CACNA1C: variants seen among roughly 807,000 people sequenced by gnomAD.
The protein encoded by CACNA1C is voltage-dependent L-type calcium channel subunit alpha-1C.
In CACNA1C, 30 loss-of-function variants were observed where a neutral mutation model predicts 229.0. The observed-to-expected ratio is 0.13, with a 90% CI of 0.10 to 0.18. CACNA1C has a LOEUF of 0.18. CACNA1C is among the 10% of genes least tolerant of loss of function. The probability of loss-of-function intolerance (pLI) is 1.00; values close to 1 mark genes in which losing one functional copy is unlikely to be tolerated. For synonymous variants in CACNA1C, 1,114 were observed against 1,132.5 expected, an observed-to-expected ratio of 0.98 and a Z score of 0.33; for missense variants, 1,658 against 2,845.0, an observed-to-expected ratio of 0.58 and a Z score of 9.49.
rs183192651 is a variant in CACNA1C, at chr12:2,664,909, C to T, written c.4317C>T (p.Asn1439=). 137 of 1,613,922 alleles carry T rather than the reference C, an allele frequency of 8.5e-5. No individual in the cohort carries two copies. In the African/African-American group the frequency reaches 1.7e-3, roughly 20 times the overall value. Residue 1439 remains asparagine (N), a synonymous_variant, in exon 35 of 47, where the codon AAC becomes AAT. Transcript: ENST00000399655. ...GTGCCCCAGAGTCCGAGCCCAGCAA[C>T]AGCACGGAGGGTGAAACACCCTGTG... The part of the protein sequence containing the change: ...KKCAPESEPS[N]STEGETPCGS...
At chr12:2,070,333 A>G (rs1377374451) in intron 1 of CACNA1C, among the ~76,000 whole-genome samples, 2 of 152,214 alleles carry the variant, frequency 1.3e-5, no homozygotes, top group East Asian at 3.9e-4. Flanking sequence ...AGGTGTGACT[A>G]AGAAGTCACA....
At chr12:2,014,405 A>T (rs1439996407) in intron 1 of CACNA1C, among the ~76,000 whole-genome samples, 4 of 152,126 alleles carry the variant, frequency 2.6e-5, no homozygotes, top group African/African-American at 9.7e-5. Context: ...CGCTTATGAG[A>T]TAACCTTTAC....
chr12:2,406,965 A>C (rs974134228), intron 3 of CACNA1C, among the ~76,000 whole-genome samples: 2 of 152,220 alleles, frequency 1.3e-5, no homozygotes, highest in Non-Finnish European at 2.9e-5. Flanking sequence ...CTATTCCAGT[A>C]AGGGTGGAAG....
intron 4 of CACNA1C, among the ~76,000 whole-genome samples, chr12:2,450,573 A>AAAC (rs1249183457): frequency 6.7e-6 from 1 of 150,014 alleles, no homozygotes; most frequent in South Asian, 2.1e-4. Context: ...AAAAAAAAAA[A>AAAC]AAAAACGCAG....
chr12:2,598,448 C>G (rs527480843), intron 21 of CACNA1C, among the ~76,000 whole-genome samples: 1 of 152,310 alleles, frequency 6.6e-6, no homozygotes, highest in East Asian at 1.9e-4. Context: ...GGTGTGAGTT[C>G]CATGACCTCA....
intron 1 of CACNA1C, among the ~76,000 whole-genome samples, chr12:2,009,848 A>T (rs958329697): frequency 6.6e-6 from 1 of 152,202 alleles, no homozygotes; most frequent in East Asian, 1.9e-4. Flanking sequence ...TATCTACGTG[A>T]CCTTCAACAA....
chr12:2,113,712 G>A (rs772982368), intron 1 of CACNA1C, among the ~76,000 whole-genome samples: 3 of 152,162 alleles, frequency 2.0e-5, no homozygotes, highest in African/African-American at 7.2e-5. Context: ...ATTGACTAGC[G>A]GTACCACGTC....
At chr12:2,442,852 C>T (rs753095821) in intron 3 of CACNA1C, among the ~76,000 whole-genome samples, 11 of 152,168 alleles carry the variant, frequency 7.2e-5, no homozygotes, top group Non-Finnish European at 1.6e-4. Context: ...TACAGGAATG[C>T]AGAGAGCTCA....
chr12:2,335,419 C>T (rs561192136), intron 3 of CACNA1C, among the ~76,000 whole-genome samples: 1 of 150,284 alleles, frequency 6.7e-6, no homozygotes, highest in Non-Finnish European at 1.5e-5. Context: ...AGGTCATCTG[C>T]TCTGTAGAGC....
intron 5 of CACNA1C, among the ~76,000 whole-genome samples, chr12:2,464,773 G>A (rs559500963): frequency 2.6e-5 from 4 of 152,264 alleles, no homozygotes; most frequent in Non-Finnish European, 5.9e-5. Context: ...CCTGAGAGGT[G>A]AGAAGGAGCA....
At chr12:2,412,448 T>C (rs997361779) in intron 3 of CACNA1C, among the ~76,000 whole-genome samples, 13 of 152,174 alleles carry the variant, frequency 8.5e-5, no homozygotes, top group Non-Finnish European at 1.9e-4. Context: ...AACCATGGTC[T>C]CCAGGAGATA....
At chr12:2,227,111 C>T (rs1018358287) in intron 3 of CACNA1C, among the ~76,000 whole-genome samples, 11 of 152,312 alleles carry the variant, frequency 7.2e-5, no homozygotes, top group Non-Finnish European at 1.6e-4. Flanking sequence ...GTTCCCTGCC[C>T]TCCCCTTTTT....
At chr12:2,624,546 A>G (rs1602521391) in intron 29 of CACNA1C, among the ~76,000 whole-genome samples, 2 of 152,234 alleles carry the variant, frequency 1.3e-5, no homozygotes, top group Non-Finnish European at 2.9e-5. Flanking sequence ...GAACTTGAAG[A>G]GCAAGCAAGA....
Position 2,665,779 on chromosome 12 carries a change from G to A in CACNA1C, c.4526+71G>A, listed in dbSNP as rs978889211. The stretch of plus-strand genomic sequence containing the variant: ...TATAGCTGACCATACCTGCAGGAGG[G>A]GCTCAAGGTTGGCCAACACTGGGTG... On this transcript the variant is annotated intron_variant, in intron 36 of 46. Transcript: ENST00000399655. This position sits in a 1 kb window ranked among gnomAD's most constrained non-coding sequence, Gnocchi z 5.9. 6.7e-6 allele frequency: 10 copies of A among 1,495,488 alleles called. No individual in the cohort carries two copies. In the African/African-American group the frequency reaches 1.4e-4, roughly 21 times the overall value. The allele number at this position is 1,495,488 out of a possible 1,614,324, so 92.6% of individuals were successfully genotyped here.
chr12:2,550,972 G>A (rs1298444248), intron 10 of CACNA1C, among the ~76,000 whole-genome samples: 3 of 152,188 alleles, frequency 2.0e-5, no homozygotes, highest in Non-Finnish European at 2.9e-5. Flanking sequence ...CAGCATTGTC[G>A]GGAAGCAATT....
intron 38 of CACNA1C, among the ~76,000 whole-genome samples, chr12:2,672,628 C>G (rs149237847): frequency 2.4e-4 from 36 of 152,282 alleles, no homozygotes; most frequent in African/African-American, 8.4e-4. Flanking sequence ...CTTCAAATAG[C>G]CTCCAGGGTC....
At chr12:2,088,797 A>G (rs1419766560) in intron 1 of CACNA1C, among the ~76,000 whole-genome samples, 1 of 152,122 alleles carries the variant, frequency 6.6e-6, no homozygotes, top group African/African-American at 2.4e-5. Flanking sequence ...AGAGATGACC[A>G]TCAACACACG....
chr12:2,644,776 C>A (rs2094149505), intron 30 of CACNA1C, among the ~76,000 whole-genome samples: 1 of 152,188 alleles, frequency 6.6e-6, no homozygotes, highest in African/African-American at 2.4e-5. Context: ...CTCATTTGAC[C>A]CTGAACTTAA....
intron 3 of CACNA1C, among the ~76,000 whole-genome samples, chr12:2,203,146 A>G (rs1566361111): frequency 6.6e-6 from 1 of 152,148 alleles, no homozygotes; most frequent in African/African-American, 2.4e-5. Context: ...TTTTCCATGA[A>G]GGGAAGTGCC....
Sources: allele counts gnomAD v4.1 joint callset (sites outside exome capture counted in the v4.1 genomes callset), GRCh38; gene constraint gnomAD v4.1.1; non-coding constraint Gnocchi (gnomAD v3.1); transcripts MANE v1.5; gene names NCBI Gene and HGNC (gene_info 2026-07-23, HGNC 2026-07-21).